The following PON2 variants were observed in gnomAD, a reference collection of about 807,000 sequenced individuals.
The protein encoded by PON2 is paraoxonase 2.
PON2 carries 27 observed loss-of-function variants against 36.6 expected under a neutral mutation model. The ratio of observed to expected loss-of-function variants is 0.74; its 90% CI spans 0.54 to 1.02. PON2 has a LOEUF of 1.02. Ranked by LOEUF, PON2 falls within the 50% of genes least tolerant of loss-of-function variation. PON2 has a pLI of 0.00. For synonymous variants in PON2, 149 were observed against 156.3 expected, an observed-to-expected ratio of 0.95 and a Z score of 0.35; for missense variants, 363 against 421.1, an observed-to-expected ratio of 0.86 and a Z score of 1.21.
At chr7:95,416,909 C>A (rs1789076496) in intron 2 of PON2, among the ~76,000 whole-genome samples, 1 of 152,164 alleles carries the variant, frequency 6.6e-6, no homozygotes. Flanking sequence ...GTTGAAGTTT[C>A]TAACTCCTGT....
chr7:95,417,799 T>A (rs935537265), intron 2 of PON2, among the ~76,000 whole-genome samples: 3 of 151,820 alleles, frequency 2.0e-5, no homozygotes, highest in Non-Finnish European at 4.4e-5. Context: ...AAAATTTGTT[T>A]TTCCTGAAAA....
intron 2 of PON2, among the ~76,000 whole-genome samples, chr7:95,421,953 T>C (rs1789204516): frequency 6.6e-6 from 1 of 152,172 alleles, no homozygotes; most frequent in African/African-American, 2.4e-5. Context: ...AGGTACTGAG[T>C]TTATTACTGT....
At chr7:95,416,939 T>C (rs1789077238) in intron 2 of PON2, among the ~76,000 whole-genome samples, 1 of 152,162 alleles carries the variant, frequency 6.6e-6, no homozygotes, top group African/African-American at 2.4e-5. Flanking sequence ...AGGCTACAAT[T>C]ACTATTGATT....
intron 2 of PON2, among the ~76,000 whole-genome samples, chr7:95,423,727 G>T (rs142514038): frequency 3.3e-5 from 5 of 152,238 alleles, no homozygotes; most frequent in African/African-American, 9.6e-5. Flanking sequence ...TCCGTTCTCA[G>T]GCTGCTAATA....
intron 3 of PON2, chr7:95,412,831 G>A (rs186766358): frequency 4.3e-5 from 15 of 348,650 alleles, no homozygotes; most frequent in Admixed American, 2.6e-4. Context: ...ACAGTGCCTG[G>A]CATACAGTCC....
At chr7:95,411,917 C>T (rs1241141185) in intron 4 of PON2, 138 bp from the exon 5 acceptor site, 66 of 912,980 alleles carry the variant, frequency 7.2e-5, no homozygotes, top group Non-Finnish European at 1.2e-5. Context: ...CATTCTCTGT[C>T]TTTCCTATTG....
At chr7:95,415,606 T>G (rs1259978212) in intron 3 of PON2, among the ~76,000 whole-genome samples, 1 of 152,156 alleles carries the variant, frequency 6.6e-6, no homozygotes, top group African/African-American at 2.4e-5. Flanking sequence ...ATAATGTTAG[T>G]ATTGAGTATC....
At chr7:95,427,244 C>A (rs1232159438) in intron 1 of PON2, among the ~76,000 whole-genome samples, 2 of 152,120 alleles carry the variant, frequency 1.3e-5, no homozygotes, top group African/African-American at 4.8e-5. Flanking sequence ...CAGACTTTTT[C>A]CCTGGCAGAA....
chr7:95,410,168 T>C (rs1788887615), intron 5 of PON2, 67 bp from the exon 6 acceptor site: 2 of 1,299,132 alleles, frequency 1.5e-6, no homozygotes, highest in Admixed American at 1.8e-5. Flanking sequence ...AAATATTAAG[T>C]ACTCATAAGA....
At position 95,412,468 on chromosome 7, in the gene PON2, A is replaced by G. The variant is rs141485380; in HGVS notation, c.211T>C (p.Phe71Leu). ...GGTGCAAAGCTGTGGAGTCCTGGGA[A>G]TTTTAGACCCTTTCCAAAACGGTGA... Reference protein sequence around the residue: ...GLAFFSVGLKFPGLHSFAPDK... With the variant: ...GLAFFSVGLKLPGLHSFAPDK... Residue 71 changes from phenylalanine to leucine, a missense_variant, in exon 4 of 9, where the codon TTC (phenylalanine) becomes CTC (leucine). By Grantham distance (22) the Phe-to-Leu change is conservative. Coordinates refer to ENST00000222572, the MANE Select transcript of PON2 (RefSeq NM_000305.3). 6.2e-7 allele frequency: 1 copy of G among 1,613,898 alleles called. No homozygotes were observed. Among genetic ancestry groups the G allele is most frequent in the Non-Finnish European group, 8.5e-7 (1 of 1,179,912 alleles).
chr7:95,434,793 T>TC lies in PON2; in HGVS notation c.74+84dup, dbSNP rs1562795612. The TC allele has an allele frequency of 1.0e-5, 15 of 1,436,992 alleles. No homozygotes were observed. The South Asian group carries it at 1.5e-4, about 15-fold the overall frequency. 89.0% of individuals were successfully genotyped at this position (1,436,992 alleles called of 1,614,324 possible). A position where few individuals can be genotyped will look rare whatever the true frequency, so the allele number is the denominator to read the frequency against. ...CAGGGCCAGGTCCCGCAGGAATCCC[T>TC]CCCCCAGCCTGCGCCCTCCCCGCAC... On this transcript the variant is annotated intron_variant, in intron 1 of 8. Coordinates refer to ENST00000222572, the MANE Select transcript of PON2 (RefSeq NM_000305.3).
chr7:95,424,709 A>T (rs1484047404), intron 1 of PON2, 124 bp from the exon 2 acceptor site: 2 of 728,332 alleles, frequency 2.7e-6, no homozygotes. Context: ...TCTAAAGCAG[A>T]TGAAAGAGAA....
intron 2 of PON2, chr7:95,424,021 G>T (rs1050447729): frequency 1.7e-5 from 3 of 173,110 alleles, no homozygotes; most frequent in Non-Finnish European, 3.7e-5. Flanking sequence ...CCCACAACAC[G>T]TGGGGATTAT....
Position 95,409,294 on chromosome 7 carries a change from G to A in PON2, c.695+607C>T, listed in dbSNP as rs192440276. ...GCCATTGCACTCCAGCCTGGGCGAC[G>A]GAGTGAGACTCCATCTCCAAAAAAC... On this transcript the variant is annotated intron_variant, in intron 6 of 8. Transcript: ENST00000222572. Among the ~76,000 whole-genome samples, 232 of 151,716 alleles carry A rather than the reference G, an allele frequency of 1.5e-3. 4 individuals carry two copies. In the South Asian group the frequency reaches 0.019, roughly 12 times the overall value.
chr7:95,430,810 AAAAT>A (rs1410500766), intron 1 of PON2, among the ~76,000 whole-genome samples: 6 of 152,086 alleles, frequency 3.9e-5, no homozygotes, highest in South Asian at 2.1e-4. Flanking sequence ...ATAGATTAAA[AAAAT>A]AAATAAAGAA....
intron 1 of PON2, among the ~76,000 whole-genome samples, chr7:95,430,544 C>T (rs1789415002): frequency 1.3e-5 from 2 of 151,924 alleles, no homozygotes; most frequent in Non-Finnish European, 2.9e-5. Context: ...AGGTATCCAC[C>T]CGCCTCAGCC....
At chr7:95,421,891 T>C (rs1789202222) in intron 2 of PON2, among the ~76,000 whole-genome samples, 1 of 152,224 alleles carries the variant, frequency 6.6e-6, no homozygotes, top group Non-Finnish European at 1.5e-5. Context: ...GGTTTATTTT[T>C]ACTAAAAGAG....
intron 5 of PON2, among the ~76,000 whole-genome samples, chr7:95,410,680 G>A (rs1251006513): frequency 6.6e-6 from 1 of 151,974 alleles, no homozygotes; most frequent in East Asian, 1.9e-4. Context: ...CAATGCTTCA[G>A]GTGAGAGATT....
intron 2 of PON2, among the ~76,000 whole-genome samples, chr7:95,421,634 T>A (rs7801803): frequency 0.56 from 84,347 of 151,896 alleles, 24,391 homozygotes; most frequent in East Asian, 0.83. Context: ...TCCTCCCACT[T>A]AGTGTTTGGG....
Sources: gnomAD v4.1 joint callset for allele counts (sites outside exome capture counted in the v4.1 genomes callset) on GRCh38, gnomAD v4.1.1 for gene constraint, MANE v1.5 for transcripts, NCBI Gene and HGNC (gene_info 2026-07-23, HGNC 2026-07-21) for gene names.